BMERB1: variants seen among roughly 807,000 people sequenced by gnomAD.
BMERB1 encodes bMERB domain containing 1, also known as bMERB domain-containing protein 1.
A neutral mutation model predicts 23.6 loss-of-function variants in BMERB1; 12 were observed. That is an observed-to-expected ratio of 0.51 (90% CI 0.33 to 0.82). BMERB1 has a LOEUF of 0.82. Among genes scored for constraint, BMERB1 ranks in the 40% least tolerant of loss-of-function variants. The pLI is 0.03. For synonymous variants in BMERB1, 122 were observed against 96.6 expected, an observed-to-expected ratio of 1.26 and a Z score of -1.54; for missense variants, 247 against 255.4, an observed-to-expected ratio of 0.97 and a Z score of 0.22.
intron 1 of BMERB1, among the ~76,000 whole-genome samples, chr16:15,511,745 C>T (rs559106106): frequency 6.6e-5 from 10 of 152,084 alleles, no homozygotes; most frequent in Non-Finnish European, 1.3e-4. Context: ...GGCACGGTGG[C>T]TCGCGCCTGT....
intron 3 of BMERB1, among the ~76,000 whole-genome samples, chr16:15,569,924 G>A (rs1009676793): frequency 6.6e-6 from 1 of 152,176 alleles, no homozygotes; most frequent in Non-Finnish European, 1.5e-5. Flanking sequence ...TACAAAGGCA[G>A]TTTAGTTGGT....
At chr16:15,475,645 GCTAGACCTTC>G (rs2051269047) in intron 1 of BMERB1, among the ~76,000 whole-genome samples, 1 of 151,956 alleles carries the variant, frequency 6.6e-6, no homozygotes, top group African/African-American at 2.4e-5. Context: ...TGGTGTCACT[GCTAGACCTTC>G]CTGATACTTG....
chr16:15,446,898 T>G (rs1250386316), intron 1 of BMERB1, among the ~76,000 whole-genome samples: 3 of 152,170 alleles, frequency 2.0e-5, no homozygotes, highest in African/African-American at 7.2e-5. Context: ...AGGGAGAGCC[T>G]TTCTGTTTTG....
chr16:15,529,352 G>A (rs530007441), intron 2 of BMERB1, among the ~76,000 whole-genome samples: 27 of 152,194 alleles, frequency 1.8e-4, no homozygotes, highest in African/African-American at 6.0e-4. Context: ...AGCCACCTAG[G>A]CTAAGAAAGG....
chr16:15,549,852 C>G (rs1458060889), intron 2 of BMERB1, among the ~76,000 whole-genome samples: 1 of 151,950 alleles, frequency 6.6e-6, no homozygotes, highest in African/African-American at 2.4e-5. Flanking sequence ...AAGTTTTTTT[C>G]TTACACTTTC....
intron 3 of BMERB1, among the ~76,000 whole-genome samples, chr16:15,570,454 G>C (rs11861043): frequency 0.015 from 2,319 of 152,108 alleles, 64 homozygotes; most frequent in African/African-American, 0.053. Context: ...TTTTTTGTTG[G>C]GGGTACGGGG....
At chr16:15,444,643 C>T (rs2050974268) in intron 1 of BMERB1, among the ~76,000 whole-genome samples, 1 of 152,142 alleles carries the variant, frequency 6.6e-6, no homozygotes. Flanking sequence ...GAAATGCCTG[C>T]CAGGCTGGGT....
chr16:15,445,795 G>C (rs1322921849), intron 1 of BMERB1, among the ~76,000 whole-genome samples: 1 of 152,146 alleles, frequency 6.6e-6, no homozygotes, highest in Non-Finnish European at 1.5e-5. Flanking sequence ...ACAGAAATGA[G>C]AGCAAGTGTC....
At chr16:15,489,292 T>C (rs1242011403) in intron 1 of BMERB1, among the ~76,000 whole-genome samples, 1 of 152,136 alleles carries the variant, frequency 6.6e-6, no homozygotes, top group Non-Finnish European at 1.5e-5. Flanking sequence ...TCAACAAATG[T>C]CCATTGCACA....
intron 1 of BMERB1, among the ~76,000 whole-genome samples, chr16:15,476,914 T>C (rs1440713510): frequency 2.6e-5 from 4 of 152,188 alleles, no homozygotes; most frequent in African/African-American, 9.6e-5. Context: ...AGATCCCCAG[T>C]TGGCCCTGCT....
At chr16:15,560,161 T>C (rs1312528250) in intron 2 of BMERB1, among the ~76,000 whole-genome samples, 1 of 152,178 alleles carries the variant, frequency 6.6e-6, no homozygotes, top group African/African-American at 2.4e-5. Flanking sequence ...TCCTGCAGCG[T>C]GAATCCCGTC....
At chr16:15,563,108 G>A (rs796657850) in intron 2 of BMERB1, among the ~76,000 whole-genome samples, 16 of 152,278 alleles carry the variant, frequency 1.1e-4, no homozygotes, top group African/African-American at 2.4e-4. Context: ...GAGGCCGGGC[G>A]CAGTGGCTCA....
intron 1 of BMERB1, among the ~76,000 whole-genome samples, chr16:15,512,012 C>CAAAAAAAAAA (rs57021793): frequency 3.4e-4 from 21 of 61,118 alleles, no homozygotes; most frequent in Admixed American, 9.7e-4. Flanking sequence ...GACTTGCTCT[C>CAAAAAAAAAA]AAAAAAAAAA....
At chr16:15,512,928 G>T (rs1430619737) in intron 1 of BMERB1, among the ~76,000 whole-genome samples, 1 of 151,868 alleles carries the variant, frequency 6.6e-6, no homozygotes, top group Non-Finnish European at 1.5e-5. Flanking sequence ...CCAAATCATG[G>T]GTATAAGGTA....
chr16:15,522,355 T>C (rs1466170610), intron 2 of BMERB1, among the ~76,000 whole-genome samples: 1 of 151,914 alleles, frequency 6.6e-6, no homozygotes, highest in African/African-American at 2.4e-5. Flanking sequence ...AGGTACCAAG[T>C]GTGGTAAAGA....
At chr16:15,435,328 C>T (rs1438990701) in intron 1 of BMERB1, among the ~76,000 whole-genome samples, 1 of 152,212 alleles carries the variant, frequency 6.6e-6, no homozygotes, top group Non-Finnish European at 1.5e-5. Context: ...GTTCTCTTTT[C>T]TCTCTTGACT....
intron 1 of BMERB1, among the ~76,000 whole-genome samples, chr16:15,490,359 T>A (rs1022521306): frequency 3.9e-5 from 6 of 152,230 alleles, no homozygotes; most frequent in Non-Finnish European, 7.3e-5. Context: ...CATGGCCCAC[T>A]GCAGCCTTTA....
At chr16:15,567,850 C>G in intron 2 of BMERB1, 133 bp from the exon 3 acceptor site, 1 of 708,482 alleles carries the variant, frequency 1.4e-6, no homozygotes, top group South Asian at 2.0e-5. Context: ...GAGGGAAAAC[C>G]TCTACAATGA....
At chr16:15,556,900 T>C (rs1379150022) in intron 2 of BMERB1, among the ~76,000 whole-genome samples, 1 of 152,128 alleles carries the variant, frequency 6.6e-6, no homozygotes, top group Non-Finnish European at 1.5e-5. Flanking sequence ...TGACATCTTT[T>C]TCTCACCTGT....
Sources: gnomAD v4.1 joint callset for allele counts (sites outside exome capture counted in the v4.1 genomes callset) on GRCh38, gnomAD v4.1.1 for gene constraint, MANE v1.5 for transcripts, NCBI Gene and HGNC (gene_info 2026-07-23, HGNC 2026-07-21) for gene names.